Variants in PRIM2 observed in about 807,000 individuals in gnomAD.
PRIM2 encodes the protein DNA primase subunit 2, also known as DNA primase large subunit.
A neutral mutation model predicts 67.3 loss-of-function variants in PRIM2; 39 were observed. The observed-to-expected ratio is 0.58, with a 90% CI of 0.45 to 0.76. The LOEUF is 0.76. Ranked by LOEUF, PRIM2 falls within the 30% of genes least tolerant of loss-of-function variation. The pLI is 0.00. For missense variants in PRIM2, 398 were observed against 598.7 expected, an observed-to-expected ratio of 0.66 and a Z score of 3.50; for synonymous variants, 143 against 198.7, an observed-to-expected ratio of 0.72 and a Z score of 2.36.
intron 10 of PRIM2, among the ~76,000 whole-genome samples, chr6:57,586,032 G>A: frequency 6.6e-6 from 1 of 152,266 alleles, no homozygotes; most frequent in Middle Eastern, 3.4e-3. Context: ...AACCTATGAT[G>A]TTCTGGATAC....
intron 7 of PRIM2, among the ~76,000 whole-genome samples, chr6:57,409,632 T>G (rs1771017176): frequency 1.3e-5 from 2 of 152,256 alleles, no homozygotes; most frequent in South Asian, 4.1e-4. Flanking sequence ...TTGCCAAAAG[T>G]TGATATTGTC....
At chr6:57,313,594 T>G (rs1363107070), upstream of PRIM2, among the ~76,000 whole-genome samples, 1 of 152,136 alleles carries the variant, frequency 6.6e-6, no homozygotes, top group East Asian at 1.9e-4. Context: ...ATGAAGTGCT[T>G]TCTTTAGGTT....
chr6:57,624,037 G>A (rs1776902874), intron 12 of PRIM2, among the ~76,000 whole-genome samples: 1 of 152,128 alleles, frequency 6.6e-6, no homozygotes, highest in South Asian at 2.1e-4. Context: ...TATATAATCA[G>A]TATAAATATC....
chr6:57,318,672 T>A, intron 2 of PRIM2, 73 bp downstream of exon 2: 12 of 1,200,582 alleles, frequency 1.0e-5, no homozygotes, highest in Non-Finnish European at 1.3e-5. Flanking sequence ...TGAATGAAGG[T>A]AATTCATTTC....
chr6:57,396,079 A>G (rs2127351024), intron 7 of PRIM2, among the ~76,000 whole-genome samples: 1 of 152,330 alleles, frequency 6.6e-6, no homozygotes, highest in East Asian at 1.9e-4. Flanking sequence ...CCTGTCATAT[A>G]GTCTATCTTG....
chr6:57,499,246 A>G (rs1554346630), intron 7 of PRIM2, among the ~76,000 whole-genome samples: 1 of 152,226 alleles, frequency 6.6e-6, no homozygotes, highest in African/African-American at 2.4e-5. Context: ...TGCCCGACAG[A>G]TATCTCTAAT....
At chr6:57,588,018 A>G (rs1776225667) in intron 10 of PRIM2, among the ~76,000 whole-genome samples, 1 of 152,140 alleles carries the variant, frequency 6.6e-6, no homozygotes, top group Non-Finnish European at 1.5e-5. Flanking sequence ...TCTGTATCGC[A>G]TATACCTTAG....
intron 7 of PRIM2, among the ~76,000 whole-genome samples, chr6:57,494,366 A>G (rs1339745464): frequency 2.6e-5 from 4 of 152,170 alleles, no homozygotes; most frequent in African/African-American, 7.2e-5. Context: ...TCACTTTTAG[A>G]CCAGCATCTT....
At chr6:57,352,595 G>C (rs2127302000) in intron 5 of PRIM2, among the ~76,000 whole-genome samples, 1 of 152,296 alleles carries the variant, frequency 6.6e-6, no homozygotes, top group Admixed American at 6.5e-5. Flanking sequence ...ACCCTTGGTT[G>C]AATATATGTT....
chr6:57,273,251 C>CT, the PRIM2 span, among the ~76,000 whole-genome samples: 1 of 152,250 alleles, frequency 6.6e-6, no homozygotes, highest in Non-Finnish European at 1.5e-5. Context: ...CTCCCCGTCA[C>CT]TTTCAGGTGC....
chr6:57,287,857 G>A, the PRIM2 span, among the ~76,000 whole-genome samples: 1 of 152,240 alleles, frequency 6.6e-6, no homozygotes, highest in Non-Finnish European at 1.5e-5. Context: ...CAGCAAGATT[G>A]ACACAGAAGA....
intron 7 of PRIM2, among the ~76,000 whole-genome samples, chr6:57,438,866 G>T (rs1772101373): frequency 6.6e-6 from 1 of 151,308 alleles, no homozygotes; most frequent in African/African-American, 2.4e-5. Flanking sequence ...TCCGCCTCTG[G>T]GGTTCAAGTG....
At chr6:57,582,175 C>T (rs1287799921) in intron 10 of PRIM2, among the ~76,000 whole-genome samples, 1 of 152,140 alleles carries the variant, frequency 6.6e-6, no homozygotes, top group African/African-American at 2.4e-5. Flanking sequence ...GGGTTAGACC[C>T]TCTGTTCCTT....
At position 57,425,610 on chromosome 6, in the gene PRIM2, A is replaced by G. The variant is rs1187656963; in HGVS notation, c.693+43442A>G. ...CAAAGATTAGAAATCTCCACCAAGCATAGGAAACATTTGGTCAACATAATT... is the reference window on the plus strand; with the variant it reads ...CAAAGATTAGAAATCTCCACCAAGCGTAGGAAACATTTGGTCAACATAATT... On this transcript the variant is annotated intron_variant, in intron 7 of 13. Coordinates refer to ENST00000615550, the MANE Select transcript of PRIM2 (RefSeq NM_000947.5). Among the ~76,000 whole-genome samples, 3 of 152,228 alleles carry G rather than the reference A, an allele frequency of 2.0e-5. No individual in the cohort carries two copies. The East Asian group carries it at 5.8e-4, about 29-fold the overall frequency.
intron 10 of PRIM2, among the ~76,000 whole-genome samples, chr6:57,557,346 A>T (rs1236206155): frequency 5.3e-5 from 8 of 152,078 alleles, no homozygotes; most frequent in African/African-American, 1.9e-4. Context: ...TATTCACAAT[A>T]GCAAAGACAT....
At chr6:57,384,991 TA>T (rs5876550) in intron 7 of PRIM2, among the ~76,000 whole-genome samples, 162 of 152,214 alleles carry the variant, frequency 1.1e-3, no homozygotes, top group African/African-American at 3.7e-3. Flanking sequence ...TTTAAAAATG[TA>T]AAAAAAATTT....
At chr6:57,578,422 C>A (rs1396382364) in intron 10 of PRIM2, among the ~76,000 whole-genome samples, 3 of 152,108 alleles carry the variant, frequency 2.0e-5, no homozygotes, top group Non-Finnish European at 4.4e-5. Context: ...AGGTTATTTT[C>A]TATTTCCCCT....
the PRIM2 span, among the ~76,000 whole-genome samples, chr6:57,308,184 A>G: frequency 1.3e-5 from 2 of 150,880 alleles, no homozygotes; most frequent in African/African-American, 2.4e-5. Flanking sequence ...GCAGGAGTGC[A>G]GTGGCAGGAT....
chr6:57,600,554 C>T (rs1385086972), intron 10 of PRIM2, among the ~76,000 whole-genome samples: 27,916 of 151,870 alleles, frequency 0.18, 2,711 homozygotes, highest in South Asian at 0.21. Context: ...ATGGGTCTCA[C>T]TGTGTTGCCC....
Sources: gnomAD v4.1 joint callset for allele counts (sites outside exome capture counted in the v4.1 genomes callset) on GRCh38, gnomAD v4.1.1 for gene constraint, MANE v1.5 for transcripts, NCBI Gene and HGNC (gene_info 2026-07-23, HGNC 2026-07-21) for gene names.